The following MPZL2 variants were observed in gnomAD, a reference collection of about 807,000 sequenced individuals.
MPZL2 encodes myelin protein zero like 2.
Under a neutral mutation model 24.5 loss-of-function variants are expected in MPZL2, and 32 were observed. The ratio of observed to expected loss-of-function variants is 1.31; its 90% CI spans 0.99 to 1.76. MPZL2 has a LOEUF of 1.76. Ranked by LOEUF, MPZL2 falls within the 40% of genes most tolerant of loss-of-function variation. MPZL2 has a pLI of 0.00. For synonymous variants in MPZL2, 92 were observed against 97.9 expected, an observed-to-expected ratio of 0.94 and a Z score of 0.36; for missense variants, 304 against 274.9, an observed-to-expected ratio of 1.11 and a Z score of -0.75.
At chr11:118,261,092 A>G (rs1949697535) in intron 3 of MPZL2, among the ~76,000 whole-genome samples, 1 of 152,218 alleles carries the variant, frequency 6.6e-6, no homozygotes, top group Non-Finnish European at 1.5e-5. Context: ...AAGAATAATT[A>G]TCCACATATA....
chr11:118,259,267 A>C (rs1299827993), intron 4 of MPZL2: 1 of 152,230 alleles, frequency 6.6e-6, no homozygotes, highest in East Asian at 1.9e-4. Flanking sequence ...AAAAACCTAA[A>C]TGCCCATCAA....
intron 3 of MPZL2, among the ~76,000 whole-genome samples, chr11:118,261,321 G>A (rs1949698992): frequency 6.6e-6 from 1 of 152,182 alleles, no homozygotes; most frequent in Admixed American, 6.5e-5. Context: ...AGTAGTGTTG[G>A]TTAAGAGCAC....
chr11:118,259,453 A>G (rs551011375), intron 4 of MPZL2: 3 of 152,414 alleles, frequency 2.0e-5, no homozygotes, highest in African/African-American at 7.2e-5. Flanking sequence ...AAATGTCCAG[A>G]ATAAGCAAAT....
intron 3 of MPZL2, among the ~76,000 whole-genome samples, chr11:118,261,233 G>A (rs1183938152): frequency 6.6e-6 from 1 of 152,136 alleles, no homozygotes; most frequent in Non-Finnish European, 1.5e-5. Context: ...CCCTCTATTG[G>A]TGGGGCATTG....
rs1949643768 is a variant in MPZL2 at position 118,253,551 on chromosome 11, A to G, written c.*1695T>C. 1 of 152,186 alleles carries G rather than the reference A, an allele frequency of 6.6e-6. No individual in the cohort carries two copies. Among genetic ancestry groups the G allele is most frequent in the African/African-American group, 2.4e-5 (1 of 41,458 alleles). The allele number at this position is 152,186 out of a possible 1,614,324, so 9.4% of individuals were successfully genotyped here. On this transcript the variant is annotated 3_prime_UTR_variant, in exon 6 of 6. Transcript: ENST00000278937. ...AACAGGCCCATATTACCCCTTGACT[A>G]TTTAGCCAAGACATAAGCTACAAAT...
Position 118,262,566 on chromosome 11 carries a change from C to A in MPZL2, c.308G>T (p.Arg103Leu), listed in dbSNP as rs200854123. ...CCAGAGAAGGATGGAGGCATCGTAC[C>A]GCTCAGGATTCCCATCCCAAGACAC... ...DRVSWDGNPE[R>L]YDASILLWKL... The change falls in exon 3 of 6, where the codon CGG (arginine) becomes CTG (leucine). Residue 103 changes from arginine (R) to leucine (L), a missense_variant. Physicochemically the swap from Arg to Leu is moderately radical, Grantham distance 102. Coordinates refer to ENST00000278937, the MANE Select transcript of MPZL2 (RefSeq NM_005797.4). The A allele has an allele frequency of 1.1e-5, 17 of 1,614,044 alleles. No individual in the cohort carries two copies. The highest frequency in any genetic ancestry group is 2.7e-5 in the African/African-American group (2 of 74,926).
chr11:118,260,032 T>G, intron 4 of MPZL2, 22 bp downstream of exon 4: 1 of 1,613,538 alleles, frequency 6.2e-7, no homozygotes, highest in Non-Finnish European at 8.5e-7. Context: ...GTTAGAACTT[T>G]CCCAGAACTG....
rs756473319 is a variant in MPZL2, at chr11:118,262,960, G to A, written c.196C>T (p.Arg66Cys). The A allele has an allele frequency of 2.8e-5, 45 of 1,614,154 alleles. No homozygotes were observed. Among genetic ancestry groups the A allele is most frequent in the Admixed American group, 5.0e-5 (3 of 60,012 alleles). ...TGCTCAGGTCCCCCGTCTAGAGGAC[G>A]AAAATTCCAGGTCACTGTTAGAGCA... ...GDALTVTWNFRPLDGGPEQFV... is the reference protein window; with the variant it reads ...GDALTVTWNFCPLDGGPEQFV... The change falls in exon 2 of 6, where the codon CGT becomes TGT. Residue 66 changes from arginine to cysteine, a missense_variant. By Grantham distance (180) the Arg-to-Cys change is radical. Coordinates refer to ENST00000278937, the MANE Select transcript of MPZL2 (RefSeq NM_005797.4).
rs372757141 is a variant in MPZL2, at chr11:118,255,763, C to T, written c.*13-530G>A. ...AATAGGTACATTTTCTTTATAACTA[C>T]AATACCATCACTATACCTAATACAA... On this transcript the variant is annotated intron_variant, in intron 5 of 5. Coordinates refer to ENST00000278937, the MANE Select transcript of MPZL2 (RefSeq NM_005797.4). 3.3e-5 allele frequency among the ~76,000 whole-genome samples: 5 copies of T among 152,226 alleles called. No homozygotes were observed. The South Asian group carries it at 6.2e-4, about 19-fold the overall frequency.
chr11:118,264,082 C>A lies in MPZL2; in HGVS notation c.58+14G>T. On this transcript the variant is annotated intron_variant, in intron 1 of 5. Transcript: ENST00000278937. ...TGAAGGAGGAAACTCTGAGAGAAGC[C>A]CGCCGGCTCTTACCTGTGAGCTGTA... 1 of 1,613,772 alleles carries A rather than the reference C, an allele frequency of 6.2e-7. No individual in the cohort carries two copies. Among genetic ancestry groups the A allele is most frequent in the Non-Finnish European group, 8.5e-7 (1 of 1,179,704 alleles).
intron 3 of MPZL2, among the ~76,000 whole-genome samples, chr11:118,261,693 C>T (rs1425318841): frequency 2.0e-5 from 3 of 152,170 alleles, no homozygotes; most frequent in Non-Finnish European, 2.9e-5. Flanking sequence ...TCATAAGTTT[C>T]GTGTACTTTG....
intron 1 of MPZL2, 136 bp from the exon 2 acceptor site, chr11:118,263,233 A>G (rs1192454396): frequency 4.5e-6 from 4 of 898,570 alleles, no homozygotes; most frequent in Non-Finnish European, 5.0e-6. Context: ...TCCCAAACTT[A>G]CTTCACCCAG....
At chr11:118,260,269 A>C (rs1181057518) in intron 3 of MPZL2, 68 bp from the exon 4 acceptor site, 77 of 1,492,428 alleles carry the variant, frequency 5.2e-5, no homozygotes, top group Middle Eastern at 1.8e-4. Flanking sequence ...CTAATGACAT[A>C]ATAGGGATGC....
intron 4 of MPZL2, among the ~76,000 whole-genome samples, chr11:118,259,012 T>TA (rs56186946): frequency 1.7e-4 from 22 of 131,264 alleles, no homozygotes; most frequent in South Asian, 4.4e-4. Context: ...CGGTTATGAT[T>TA]AAAAAAAAAA....
chr11:118,253,421 T>A lies in MPZL2; in HGVS notation c.*1825A>T, dbSNP rs1030569385. 1 of 152,230 alleles carries A rather than the reference T, an allele frequency of 6.6e-6. No homozygotes were observed. Among genetic ancestry groups the A allele is most frequent in the African/African-American group, 2.4e-5 (1 of 41,474 alleles). 9.4% of individuals were successfully genotyped at this position (152,230 alleles called of 1,614,324 possible). A position where few individuals can be genotyped will look rare whatever the true frequency, so the allele number is the denominator to read the frequency against. ...TAGATATGTATATACACAAATTATA[T>A]AACTGATAATTCTTTATTACTAAAG... On this transcript the variant is annotated 3_prime_UTR_variant, in exon 6 of 6. Transcript: ENST00000278937.
At chr11:118,262,838 G>T in intron 2 of MPZL2, 93 bp downstream of exon 2, 2 of 1,489,314 alleles carry the variant, frequency 1.3e-6, no homozygotes, top group Non-Finnish European at 1.8e-6. Flanking sequence ...TGTGCTTGCT[G>T]CTAAGAAAAA....
rs1296595320 is a variant in MPZL2 at position 118,262,587 on chromosome 11, G to A, written c.287C>T (p.Ser96Phe). Residue 96 changes from serine (S) to phenylalanine (F), a missense_variant, in exon 3 of 6, where the codon TCT becomes TTT. Ser to Phe is a radical substitution (Grantham distance 155). Transcript: ENST00000278937. Reference protein sequence around the residue: ...PMSGRFKDRVSWDGNPERYDA... With the variant: ...PMSGRFKDRVFWDGNPERYDA... Reference sequence around the variant, plus strand: ...GTACCGCTCAGGATTCCCATCCCAAGACACCCGGTCCTTAAACCGCCCACT... The same window carrying A: ...GTACCGCTCAGGATTCCCATCCCAAAACACCCGGTCCTTAAACCGCCCACT... 2 of 1,614,154 alleles carry A rather than the reference G, an allele frequency of 1.2e-6. No homozygotes were observed.
intron 1 of MPZL2, 56 bp from the exon 2 acceptor site, chr11:118,263,153 C>T: frequency 1.3e-6 from 2 of 1,519,844 alleles, no homozygotes; most frequent in Non-Finnish European, 1.8e-6. Flanking sequence ...ATTGTGAGAA[C>T]TTCTGCTGAC....
rs140851259 is a variant in MPZL2, at chr11:118,261,089, A to C, written c.437-888T>G. Among the ~76,000 whole-genome samples the C allele has an allele frequency of 1.7e-3, 261 of 152,322 alleles. 2 individuals are homozygous for C. Among genetic ancestry groups the C allele is most frequent in the African/African-American group, 6.1e-3 (252 of 41,560 alleles). On this transcript the variant is annotated intron_variant, in intron 3 of 5. Coordinates refer to ENST00000278937, the MANE Select transcript of MPZL2 (RefSeq NM_005797.4). ...GCTTTTATTTGATTCTCAAAGAATA[A>C]TTATCCACATATATTTAAGAACCAC...
Sources: gnomAD v4.1 joint callset for allele counts (sites outside exome capture counted in the v4.1 genomes callset) on GRCh38, gnomAD v4.1.1 for gene constraint, MANE v1.5 for transcripts, NCBI Gene and HGNC (gene_info 2026-07-23, HGNC 2026-07-21) for gene names.